Variants in ZNF892 observed in about 807,000 individuals in gnomAD.
The protein encoded by ZNF892 is zinc finger protein 570-like.
At chr2:95,227,490 AT>A in the ZNF892 span, among the ~76,000 whole-genome samples, 241 of 142,818 alleles carry the variant, frequency 1.7e-3, no homozygotes, top group Middle Eastern at 3.6e-3. Context: ...TGCCCAGCTA[AT>A]TTTTTTTTTT....
the ZNF892 span, chr2:95,214,620 G>A: frequency 5.0e-6 from 2 of 400,042 alleles, no homozygotes. Flanking sequence ...ACATCATTGT[G>A]ATTCATTTAA....
the ZNF892 span, among the ~76,000 whole-genome samples, chr2:95,230,810 C>A: frequency 6.6e-6 from 1 of 152,162 alleles, no homozygotes; most frequent in African/African-American, 2.4e-5. Context: ...TTTTCATGAG[C>A]TGATTTATGA....
At chr2:95,208,816 C>T in the ZNF892 span, 8 of 397,828 alleles carry the variant, frequency 2.0e-5, no homozygotes, top group African/African-American at 1.6e-4. Flanking sequence ...TGGAATTGCT[C>T]AGCCCTGATG....
the ZNF892 span, among the ~76,000 whole-genome samples, chr2:95,233,855 T>C: frequency 1.3e-5 from 2 of 151,820 alleles, no homozygotes; most frequent in African/African-American, 4.8e-5. Context: ...AATTTTTGTA[T>C]TTTTTGTAGA....
chr2:95,244,267 G>A, the ZNF892 span, among the ~76,000 whole-genome samples: 1 of 148,348 alleles, frequency 6.7e-6, no homozygotes, highest in Non-Finnish European at 1.5e-5. Context: ...TTTATCTGCT[G>A]ACCTTCCCTC....
chr2:95,245,280 T>C, the ZNF892 span, among the ~76,000 whole-genome samples: 9 of 130,850 alleles, frequency 6.9e-5, no homozygotes, highest in Non-Finnish European at 1.2e-4. Flanking sequence ...AGACAGAGTC[T>C]CACTTTGTTG....
the ZNF892 span, among the ~76,000 whole-genome samples, chr2:95,233,141 T>A: frequency 6.6e-6 from 1 of 152,106 alleles, no homozygotes; most frequent in African/African-American, 2.4e-5. Context: ...TCCAAATTAG[T>A]TTTTTTGTTT....
chr2:95,231,805 G>A, the ZNF892 span, among the ~76,000 whole-genome samples: 6 of 151,978 alleles, frequency 3.9e-5, no homozygotes, highest in African/African-American at 1.2e-4. Flanking sequence ...CTGTAGTTCC[G>A]TTCAGCCTCA....
the ZNF892 span, among the ~76,000 whole-genome samples, chr2:95,251,812 T>A: frequency 6.6e-6 from 1 of 152,200 alleles, no homozygotes; most frequent in East Asian, 1.9e-4. Context: ...TTCTTAGGAT[T>A]TTCCCCCTGT....
the ZNF892 span, among the ~76,000 whole-genome samples, chr2:95,252,009 C>T: frequency 6.6e-6 from 1 of 152,166 alleles, no homozygotes; most frequent in African/African-American, 2.4e-5. Context: ...AAACCTTGGC[C>T]TGTGTTGGAA....
the ZNF892 span, among the ~76,000 whole-genome samples, chr2:95,254,025 A>G: frequency 3.3e-5 from 5 of 152,222 alleles, no homozygotes; most frequent in Non-Finnish European, 7.3e-5. Context: ...GTCATCTGCA[A>G]ACAGGGACAG....
the ZNF892 span, among the ~76,000 whole-genome samples, chr2:95,226,918 T>C: frequency 6.6e-6 from 1 of 152,216 alleles, no homozygotes; most frequent in Non-Finnish European, 1.5e-5. Context: ...TAAGTGGCTC[T>C]TGAGTCCCAA....
At chr2:95,231,133 A>T in the ZNF892 span, among the ~76,000 whole-genome samples, 1 of 152,248 alleles carries the variant, frequency 6.6e-6, no homozygotes, top group Admixed American at 6.5e-5. Context: ...GACTTCTTCA[A>T]GCATGTTCCT....
the ZNF892 span, among the ~76,000 whole-genome samples, chr2:95,250,129 A>T: frequency 6.6e-6 from 1 of 152,140 alleles, no homozygotes; most frequent in African/African-American, 2.4e-5. Context: ...AAAGGTTAAA[A>T]TAAGTTCTTT....
chr2:95,261,678 GCAAAGGGACA>G, the ZNF892 span, among the ~76,000 whole-genome samples: 2 of 152,240 alleles, frequency 1.3e-5, no homozygotes, highest in African/African-American at 4.8e-5. Context: ...AGCAAAGTGA[GCAAAGGGACA>G]CTACAGAATC....
At chr2:95,221,506 C>G in the ZNF892 span, among the ~76,000 whole-genome samples, 3 of 152,056 alleles carry the variant, frequency 2.0e-5, no homozygotes, top group Non-Finnish European at 4.4e-5. Flanking sequence ...TTGCATTCAT[C>G]TGTTAAACTG....
At chr2:95,242,822 C>T in the ZNF892 span, among the ~76,000 whole-genome samples, 1 of 151,992 alleles carries the variant, frequency 6.6e-6, no homozygotes, top group Admixed American at 6.6e-5. Flanking sequence ...AGTCCCTCTC[C>T]CTCTCCCTCT....
the ZNF892 span, among the ~76,000 whole-genome samples, chr2:95,260,967 T>G: frequency 6.6e-6 from 1 of 152,198 alleles, no homozygotes; most frequent in Admixed American, 6.5e-5. Context: ...TGGTTCTCTC[T>G]TAGTGTGCAG....
chr2:95,231,480 G>A, the ZNF892 span, among the ~76,000 whole-genome samples: 1 of 152,118 alleles, frequency 6.6e-6, no homozygotes, highest in Non-Finnish European at 1.5e-5. Flanking sequence ...CTGTGTATCT[G>A]TTTGTCAAAA....
Sources: gnomAD v4.1 joint callset for allele counts (sites outside exome capture counted in the v4.1 genomes callset) on GRCh38, gnomAD v4.1.1 for gene constraint, MANE v1.5 for transcripts, NCBI Gene and HGNC (gene_info 2026-07-23, HGNC 2026-07-21) for gene names.